The following CSMD1 variants were observed in gnomAD, a reference collection of about 807,000 sequenced individuals.
The protein encoded by CSMD1 is CUB and Sushi multiple domains 1.
CSMD1 carries 213 observed loss-of-function variants against 417.5 expected under a neutral mutation model. The observed-to-expected ratio is 0.51, with a 90% CI of 0.46 to 0.57. The LOEUF is 0.57. Among genes scored for constraint, CSMD1 ranks in the 20% least tolerant of loss-of-function variants. CSMD1 has a pLI of 0.00. For missense variants in CSMD1, 6,923 were observed against 4,529.7 expected (o/e 1.53, Z -15.17); for synonymous variants, 2,862 against 1,736.8 (o/e 1.65, Z -16.11).
rs114654605 is a variant in CSMD1 at position 4,463,322 on chromosome 8, C to G, written c.303-43257G>C. Reference sequence around the variant, plus strand: ...AGGAGGTGTATGGGTGTTTCACTTCCCTATGGCTGGTGAGAATATAGAATG... The same window carrying G: ...AGGAGGTGTATGGGTGTTTCACTTCGCTATGGCTGGTGAGAATATAGAATG... On this transcript the variant is annotated intron_variant, in intron 2 of 69. Transcript: ENST00000635120. Among the ~76,000 whole-genome samples, 450 of 152,178 alleles carry G rather than the reference C, an allele frequency of 3.0e-3. 3 individuals carry two copies. The highest frequency in any genetic ancestry group is 0.01 in the African/African-American group (423 of 41,512).
At chr8:4,650,424 C>T (rs1419953051) in intron 1 of CSMD1, among the ~76,000 whole-genome samples, 2 of 149,544 alleles carry the variant, frequency 1.3e-5, no homozygotes, top group African/African-American at 4.9e-5. Context: ...AATTGATCTT[C>T]AGCTAAATTT....
intron 1 of CSMD1, among the ~76,000 whole-genome samples, chr8:4,692,825 G>A (rs564681339): frequency 5.9e-5 from 9 of 152,232 alleles, no homozygotes; most frequent in South Asian, 2.1e-4. Flanking sequence ...TTCTACCATA[G>A]CAGTCATGAA....
chr8:3,804,285 T>A (rs2129073941), intron 5 of CSMD1, among the ~76,000 whole-genome samples: 1 of 152,258 alleles, frequency 6.6e-6, no homozygotes, highest in East Asian at 1.9e-4. Context: ...AGGTGCAGAA[T>A]ACTAAAATAA....
At chr8:3,665,208 T>C (rs1798622538) in intron 7 of CSMD1, among the ~76,000 whole-genome samples, 1 of 152,176 alleles carries the variant, frequency 6.6e-6, no homozygotes, top group South Asian at 2.1e-4. Context: ...TTTACTGATA[T>C]ATTGTTTTGC....
At chr8:4,542,080 T>C (rs1797414044) in intron 2 of CSMD1, among the ~76,000 whole-genome samples, 1 of 152,114 alleles carries the variant, frequency 6.6e-6, no homozygotes, top group Non-Finnish European at 1.5e-5. Flanking sequence ...TCTAGCTTCT[T>C]ACCAAGTGAA....
chr8:4,349,413 C>G (rs1223273123), intron 3 of CSMD1, among the ~76,000 whole-genome samples: 4 of 152,166 alleles, frequency 2.6e-5, no homozygotes, highest in African/African-American at 9.7e-5. Flanking sequence ...ATTATCACCT[C>G]TACTTTAATG....
chr8:3,244,418 G>C (rs556716132), intron 26 of CSMD1, among the ~76,000 whole-genome samples: 36 of 152,244 alleles, frequency 2.4e-4, no homozygotes, highest in African/African-American at 8.2e-4. Flanking sequence ...TTGTTTAACA[G>C]AGACCATCCC....
intron 23 of CSMD1, among the ~76,000 whole-genome samples, chr8:3,331,237 C>CAAAAAAA (rs112278319): frequency 7.6e-4 from 98 of 128,488 alleles, no homozygotes; most frequent in African/African-American, 1.8e-3. Context: ...GACTCCGTCT[C>CAAAAAAA]AAAAAAAAAA....
intron 5 of CSMD1, among the ~76,000 whole-genome samples, chr8:3,908,546 AC>A (rs1456780190): frequency 6.6e-6 from 1 of 152,114 alleles, no homozygotes; most frequent in Non-Finnish European, 1.5e-5. Context: ...TAAGGGAAAC[AC>A]TTTTGTAGCT....
intron 25 of CSMD1, among the ~76,000 whole-genome samples, chr8:3,300,177 C>T (rs1265096778): frequency 6.6e-6 from 1 of 151,974 alleles, no homozygotes; most frequent in Non-Finnish European, 1.5e-5. Context: ...AACATTTGGC[C>T]ATGTTTATTA....
intron 3 of CSMD1, among the ~76,000 whole-genome samples, chr8:4,294,667 A>G (rs1797565029): frequency 6.6e-6 from 1 of 152,162 alleles, no homozygotes; most frequent in South Asian, 2.1e-4. Context: ...TTGGTATTTT[A>G]CATTTTAAAA....
intron 1 of CSMD1, among the ~76,000 whole-genome samples, chr8:4,698,815 T>C (rs1381800712): frequency 1.3e-5 from 2 of 151,896 alleles, no homozygotes; most frequent in East Asian, 1.9e-4. Flanking sequence ...CTGAGACTGA[T>C]TTAGCTTTCA....
At chr8:3,637,891 G>A (rs1366349421) in intron 7 of CSMD1, among the ~76,000 whole-genome samples, 1 of 152,172 alleles carries the variant, frequency 6.6e-6, no homozygotes, top group African/African-American at 2.4e-5. Context: ...TTTCTACAGA[G>A]CAGTTCCCCT....
chr8:4,116,358 T>G (rs1208944400), intron 3 of CSMD1, among the ~76,000 whole-genome samples: 1 of 152,136 alleles, frequency 6.6e-6, no homozygotes, highest in African/African-American at 2.4e-5. Flanking sequence ...ATACATGTCA[T>G]TATACACTTG....
chr8:4,270,652 G>A (rs770024403), intron 3 of CSMD1, among the ~76,000 whole-genome samples: 8 of 152,096 alleles, frequency 5.3e-5, no homozygotes, highest in South Asian at 4.1e-4. Context: ...AATGAAGATC[G>A]CGTGTCTGCC....
chr8:4,348,473 A>C (rs143019265), intron 3 of CSMD1, among the ~76,000 whole-genome samples: 3 of 152,058 alleles, frequency 2.0e-5, no homozygotes, highest in Non-Finnish European at 4.4e-5. Context: ...AAGTATCTTC[A>C]TATTTCTTTC....
chr8:4,051,887 C>T lies in CSMD1; in HGVS notation c.416-19788G>A, dbSNP rs866019617. ...TTCTTTCCTTCCTCCTTTCTTCCTT[C>T]CTTCCTTCCTTCCTTCCTTCCTTCC... On this transcript the variant is annotated intron_variant, in intron 3 of 69. Transcript: ENST00000635120. Among the ~76,000 whole-genome samples, 484 of 133,924 alleles carry T rather than the reference C, an allele frequency of 3.6e-3. 5 individuals are homozygous for T. Among genetic ancestry groups the T allele is most frequent in the African/African-American group, 0.012 (423 of 34,946 alleles). The allele number at this position is 133,924 out of a possible 152,430, so 87.9% of individuals were successfully genotyped here. A position where few individuals can be genotyped will look rare whatever the true frequency, so the allele number is the denominator to read the frequency against.
At chr8:4,299,414 A>C (rs1324981662) in intron 3 of CSMD1, among the ~76,000 whole-genome samples, 2 of 152,086 alleles carry the variant, frequency 1.3e-5, no homozygotes, top group Non-Finnish European at 2.9e-5. Context: ...GAGAGAGGTG[A>C]TTTTCAGGAT....
At chr8:3,593,523 C>T (rs919802166) in intron 8 of CSMD1, among the ~76,000 whole-genome samples, 4 of 152,000 alleles carry the variant, frequency 2.6e-5, no homozygotes, top group African/African-American at 4.8e-5. Context: ...CTCCACAGCC[C>T]GGGCCCTTAA....
Sources: allele counts gnomAD v4.1 joint callset (sites outside exome capture counted in the v4.1 genomes callset), GRCh38; gene constraint gnomAD v4.1.1; transcripts MANE v1.5; gene names NCBI Gene and HGNC (gene_info 2026-07-23, HGNC 2026-07-21).